RIMS1: variants seen among roughly 807,000 people sequenced by gnomAD.
The protein encoded by RIMS1 is regulating synaptic membrane exocytosis protein 1.
In RIMS1, 83 loss-of-function variants were observed where a neutral mutation model predicts 214.1. The observed-to-expected ratio is 0.39, with a 90% CI of 0.32 to 0.47. The LOEUF is 0.47. Ranked by LOEUF, RIMS1 falls within the 20% of genes least tolerant of loss-of-function variation. RIMS1 has a pLI of 0.99. For synonymous variants in RIMS1, 793 were observed against 786.8 expected (o/e 1.01, Z -0.13); for missense variants, 2,050 against 2,161.8 (o/e 0.95, Z 1.03).
rs534261082 is a variant in RIMS1 at position 72,213,009 on chromosome 6, A to G, written c.1679-20764A>G. ...TCCTGTTGTTCAATGATATAAGCAG[A>G]GTGATGAAGGAGGCGCTTCACACTC... On this transcript the variant is annotated intron_variant, in intron 6 of 33. Transcript: ENST00000521978. The G allele has an allele frequency of 4.3e-5, 64 of 1,489,006 alleles. 1 individual carries two copies. In the South Asian group the frequency reaches 8.2e-4, roughly 19 times the overall value. The allele number at this position is 1,489,006 out of a possible 1,614,324, so 92.2% of individuals were successfully genotyped here.
intron 1 of RIMS1, among the ~76,000 whole-genome samples, chr6:71,924,151 T>A (rs1257921422): frequency 6.6e-6 from 1 of 152,212 alleles, no homozygotes; most frequent in Non-Finnish European, 1.5e-5. Flanking sequence ...AATTCTACCA[T>A]CAAAATATCT....
intron 9 of RIMS1, among the ~76,000 whole-genome samples, chr6:72,238,423 TAATAA>T (rs1481484381): frequency 6.6e-6 from 1 of 152,090 alleles, no homozygotes; most frequent in East Asian, 1.9e-4. Flanking sequence ...ACAGATTGTA[TAATAA>T]AATATTAGTA....
intron 2 of RIMS1, among the ~76,000 whole-genome samples, chr6:72,069,395 C>G (rs775603634): frequency 1.4e-4 from 21 of 152,204 alleles, no homozygotes; most frequent in Non-Finnish European, 2.1e-4. Flanking sequence ...ATAGAAGTCT[C>G]TGGTGGTTTG....
intron 2 of RIMS1, among the ~76,000 whole-genome samples, chr6:72,073,005 T>C (rs1298511436): frequency 1.3e-5 from 2 of 152,242 alleles, no homozygotes; most frequent in Non-Finnish European, 1.5e-5. Context: ...CAATATTTAT[T>C]GTTTTACAAA....
chr6:72,045,457 T>C (rs1822726987), intron 2 of RIMS1, among the ~76,000 whole-genome samples: 1 of 152,012 alleles, frequency 6.6e-6, no homozygotes, highest in Non-Finnish European at 1.5e-5. Context: ...GGGAAATCCA[T>C]AGTATTTAAT....
At chr6:72,125,397 G>A (rs566140820) in intron 4 of RIMS1, among the ~76,000 whole-genome samples, 4 of 152,130 alleles carry the variant, frequency 2.6e-5, no homozygotes, top group South Asian at 4.2e-4. Flanking sequence ...GGTGTCAGTC[G>A]ACCCCTGCTG....
At chr6:71,969,201 A>G (rs1360723292) in intron 2 of RIMS1, 138 bp downstream of exon 2, 2 of 805,972 alleles carry the variant, frequency 2.5e-6, no homozygotes, top group Middle Eastern at 2.3e-4. Context: ...CTGTTGAATT[A>G]GATAAAATTA....
chr6:72,087,742 A>T (rs1319050942), intron 2 of RIMS1, among the ~76,000 whole-genome samples: 1 of 152,220 alleles, frequency 6.6e-6, no homozygotes, highest in African/African-American at 2.4e-5. Flanking sequence ...GATCATACTC[A>T]TAAAGCCATA....
chr6:72,248,931 G>A (rs905296281), intron 12 of RIMS1, among the ~76,000 whole-genome samples: 5 of 151,952 alleles, frequency 3.3e-5, no homozygotes, highest in South Asian at 2.1e-4. Context: ...TTTATCTGCC[G>A]GCCATCTTTT....
rs189205508 is a variant in RIMS1, at chr6:72,398,625, A to C, written c.4720+275A>C. Among the ~76,000 whole-genome samples, 1,239 of 145,878 alleles carry C rather than the reference A, an allele frequency of 8.5e-3. 11 individuals carry two copies. Among genetic ancestry groups the C allele is most frequent in the African/African-American group, 0.027 (1,115 of 41,324 alleles). On this transcript the variant is annotated intron_variant, in intron 32 of 33. Transcript: ENST00000521978. ...TGTGTCAATTATTTTCTTTTTGCACACTTAGAAAGGCAAAAGAAAAAAAGA... is the reference window on the plus strand; with the variant it reads ...TGTGTCAATTATTTTCTTTTTGCACCCTTAGAAAGGCAAAAGAAAAAAAGA...
At chr6:72,007,633 C>T (rs1808330608) in intron 2 of RIMS1, among the ~76,000 whole-genome samples, 1 of 152,102 alleles carries the variant, frequency 6.6e-6, no homozygotes, top group Admixed American at 6.6e-5. Flanking sequence ...CCTTAAAGGA[C>T]CTGATGGAGC....
At chr6:72,091,597 T>C (rs1283606749) in intron 2 of RIMS1, among the ~76,000 whole-genome samples, 1 of 152,216 alleles carries the variant, frequency 6.6e-6, no homozygotes, top group Non-Finnish European at 1.5e-5. Flanking sequence ...AAATATATGC[T>C]ATTAATCACC....
At chr6:72,204,046 T>C (rs2052492680) in intron 6 of RIMS1, among the ~76,000 whole-genome samples, 2 of 152,210 alleles carry the variant, frequency 1.3e-5, no homozygotes, top group Admixed American at 1.3e-4. Context: ...TACAGAGTTA[T>C]ATGAATCCAG....
chr6:72,388,817 G>A (rs1175690902), intron 29 of RIMS1, among the ~76,000 whole-genome samples: 1 of 152,222 alleles, frequency 6.6e-6, no homozygotes, highest in African/African-American at 2.4e-5. Flanking sequence ...TTTACTGTGG[G>A]AGGAGGATTT....
chr6:71,897,328 A>G (rs1772105570), intron 1 of RIMS1, among the ~76,000 whole-genome samples: 1 of 152,114 alleles, frequency 6.6e-6, no homozygotes, highest in South Asian at 2.1e-4. Flanking sequence ...TGCCAGAGGA[A>G]TCTTTCTAAA....
At chr6:72,242,703 G>C (rs757935119) in intron 10 of RIMS1, among the ~76,000 whole-genome samples, 18 of 151,662 alleles carry the variant, frequency 1.2e-4, no homozygotes, top group Non-Finnish European at 2.1e-4. Context: ...GAAATATAAA[G>C]TAAAATATTT....
chr6:72,343,105 A>G (rs1217470661), intron 29 of RIMS1, among the ~76,000 whole-genome samples: 1 of 151,830 alleles, frequency 6.6e-6, no homozygotes, highest in South Asian at 2.1e-4. Flanking sequence ...AAAAACATTT[A>G]TCAGGGATCA....
At chr6:71,928,690 G>A (rs1352382344) in intron 1 of RIMS1, among the ~76,000 whole-genome samples, 1 of 151,916 alleles carries the variant, frequency 6.6e-6, no homozygotes, top group Non-Finnish European at 1.5e-5. Flanking sequence ...TTTCTAGAGA[G>A]CACTGCATAC....
intron 2 of RIMS1, among the ~76,000 whole-genome samples, chr6:72,027,411 T>G (rs1487109130): frequency 6.6e-6 from 1 of 152,138 alleles, no homozygotes; most frequent in Non-Finnish European, 1.5e-5. Context: ...CCAAAACTCT[T>G]AAAAATTAAT....
Sources: allele counts gnomAD v4.1 joint callset (sites outside exome capture counted in the v4.1 genomes callset), GRCh38; gene constraint gnomAD v4.1.1; transcripts MANE v1.5; gene names NCBI Gene and HGNC (gene_info 2026-07-23, HGNC 2026-07-21).